The following CRAMP1 variants were observed in gnomAD, a reference collection of about 807,000 sequenced individuals.
CRAMP1 encodes cramped chromatin regulator 1, also known as protein cramped-like.
Under a neutral mutation model 115.4 loss-of-function variants are expected in CRAMP1, and 50 were observed. The observed-to-expected ratio is 0.43, with a 90% CI of 0.35 to 0.55. CRAMP1 has a LOEUF of 0.55. Ranked by LOEUF, CRAMP1 falls within the 20% of genes least tolerant of loss-of-function variation. CRAMP1 has a pLI of 0.01. For synonymous variants in CRAMP1, 866 were observed against 745.4 expected, an observed-to-expected ratio of 1.16 and a Z score of -2.64; for missense variants, 1,679 against 1,721.7, an observed-to-expected ratio of 0.98 and a Z score of 0.44.
chr16:1,670,603 C>T (rs1013396066), intron 19 of CRAMP1, 61 bp from the exon 20 acceptor site: 50 of 1,581,894 alleles, frequency 3.2e-5, no homozygotes, highest in South Asian at 6.9e-5. Flanking sequence ...AGGACCCTTC[C>T]GCTGGACTGG....
At chr16:1,619,117 G>A (rs533145930) in intron 2 of CRAMP1, among the ~76,000 whole-genome samples, 2 of 152,310 alleles carry the variant, frequency 1.3e-5, no homozygotes, top group African/African-American at 4.8e-5. Flanking sequence ...AATTAACATC[G>A]TTGTATAAAG....
rs368601428 is a variant in CRAMP1, at chr16:1,653,167, C to A, written c.1037+11C>A. The A allele has an allele frequency of 6.2e-7, 1 of 1,604,556 alleles. No homozygotes were observed. The highest frequency in any genetic ancestry group is 2.2e-5 in the East Asian group (1 of 44,588). ...GAACCCACGCCTCAGGTAACATGGCCCTTGGCACGCAGAGGGGTCCCAACT... is the reference window on the plus strand; with the variant it reads ...GAACCCACGCCTCAGGTAACATGGCACTTGGCACGCAGAGGGGTCCCAACT... On this transcript the variant is annotated intron_variant, in intron 8 of 20. Coordinates refer to ENST00000397412, the MANE Select transcript of CRAMP1 (RefSeq NM_020825.4).
At chr16:1,668,266 T>C (rs1567462828) in intron 18 of CRAMP1, 73 bp downstream of exon 18, 4 of 1,104,016 alleles carry the variant, frequency 3.6e-6, no homozygotes, top group Non-Finnish European at 5.5e-6. Context: ...TTGCCACACT[T>C]CCTGGGGATA....
rs1398430609 is a variant in CRAMP1 at position 1,672,866 on chromosome 16, ACT to A, written c.3646-1012_3646-1011del. On this transcript the variant is annotated intron_variant, in intron 20 of 20. Transcript: ENST00000397412. This position sits in a 1 kb window ranked among gnomAD's most constrained non-coding sequence, Gnocchi z 4.9. ...TCCTCAGCTCTGTGCTGCCTCACTC[ACT>A]CTGTCATGGCCACCACCTTGGTCGT... 6.6e-6 allele frequency among the ~76,000 whole-genome samples: 1 copy of A among 151,902 alleles called. No individual in the cohort carries two copies. Among genetic ancestry groups the A allele is most frequent in the African/African-American group, 2.4e-5 (1 of 41,330 alleles).
intron 19 of CRAMP1, 173 bp from the exon 20 acceptor site, chr16:1,670,491 A>G: frequency 1.5e-6 from 1 of 677,916 alleles, no homozygotes; most frequent in Non-Finnish European, 2.6e-6. Flanking sequence ...GTTAAACGAG[A>G]AGAGCTCGTC....
rs1373538969 is a variant in CRAMP1, at chr16:1,656,648, G to C, written c.1891G>C (p.Asp631His). ...PGLLLDVCTK[D>H]LADAPAEELQ... ...GCTCCTGCTGGATGTTTGCACTAAA[G>C]ACTTGGCAGATGCACCTGCGGAGGA... The change falls in exon 10 of 21, where the codon GAC becomes CAC. Residue 631 changes from aspartate to histidine, a missense_variant. Physicochemically the swap from Asp to His is moderately conservative, Grantham distance 81 (BLOSUM62 -1). Transcript: ENST00000397412. The surrounding 1 kb of genome is among the most constrained non-coding windows in gnomAD (Gnocchi z 5.6). 38 of 1,578,160 alleles carry C rather than the reference G, an allele frequency of 2.4e-5. No homozygotes were observed. Among genetic ancestry groups the C allele is most frequent in the Non-Finnish European group, 3.2e-5 (37 of 1,163,256 alleles).
chr16:1,614,555 C>A lies in CRAMP1; in HGVS notation c.-1-84C>A. On this transcript the variant is annotated intron_variant, in intron 1 of 20. Coordinates refer to ENST00000397412, the MANE Select transcript of CRAMP1 (RefSeq NM_020825.4). The surrounding 1 kb of genome is among the most constrained non-coding windows in gnomAD (Gnocchi z 4.4). ...AGAGGGGATTTGGAACAAACAACGGCGGCCATGTTGAGAGCGCGTCGGGGC... is the reference window on the plus strand; with the variant it reads ...AGAGGGGATTTGGAACAAACAACGGAGGCCATGTTGAGAGCGCGTCGGGGC... 1 of 808,154 alleles carries A rather than the reference C, an allele frequency of 1.2e-6. No individual in the cohort carries two copies. The highest frequency in any genetic ancestry group is 1.6e-6 in the Non-Finnish European group (1 of 612,374). 50.1% of individuals were successfully genotyped at this position (808,154 alleles called of 1,614,324 possible).
At position 1,612,662 on chromosome 16, in the gene CRAMP1, C is replaced by T. The variant is rs1049281505; in HGVS notation, c.-2+5C>T. Among the ~76,000 whole-genome samples the T allele has an allele frequency of 1.3e-5, 2 of 151,836 alleles. No individual in the cohort carries two copies. Among genetic ancestry groups the T allele is most frequent in the African/African-American group, 2.4e-5 (1 of 41,360 alleles). The stretch of plus-strand genomic sequence containing the variant: ...CGCCCGGCGTTGATGAAAAAGGTGA[C>T]CAAGGCTGGGCGGCGGGGCTGTCAT... On this transcript the variant is annotated splice_donor_5th_base_variant and intron_variant, in intron 1 of 20. Transcript: ENST00000397412.
At chr16:1,649,056 C>A (rs77236275) in intron 6 of CRAMP1, among the ~76,000 whole-genome samples, 1 of 142,194 alleles carries the variant, frequency 7.0e-6, no homozygotes, top group African/African-American at 2.8e-5. Flanking sequence ...AAGACTCCAT[C>A]TAAAAAAAAA....
At chr16:1,634,540 G>A (rs1362515987) in intron 4 of CRAMP1, among the ~76,000 whole-genome samples, 4 of 152,016 alleles carry the variant, frequency 2.6e-5, no homozygotes, top group African/African-American at 4.8e-5. Context: ...CTCCGTGTGG[G>A]CCCCTGTGCT....
intron 2 of CRAMP1, among the ~76,000 whole-genome samples, chr16:1,616,789 C>G (rs2036424028): frequency 6.6e-6 from 1 of 151,850 alleles, no homozygotes; most frequent in Non-Finnish European, 1.5e-5. Flanking sequence ...GTGACATATC[C>G]ATTATCCCAC....
intron 6 of CRAMP1, among the ~76,000 whole-genome samples, chr16:1,647,928 AC>A (rs77920226): frequency 0.042 from 6,322 of 151,894 alleles, 377 homozygotes; most frequent in Admixed American, 0.14. Context: ...GGAGGTATGG[AC>A]CCACGTCCCG....
At position 1,672,375 on chromosome 16, in the gene CRAMP1, A is replaced by T. The variant is rs1001680208; in HGVS notation, c.3646-1506A>T. 3.3e-5 allele frequency among the ~76,000 whole-genome samples: 5 copies of T among 151,350 alleles called. No homozygotes were observed. Among genetic ancestry groups the T allele is most frequent in the African/African-American group, 1.2e-4 (5 of 41,104 alleles). On this transcript the variant is annotated intron_variant, in intron 20 of 20. Transcript: ENST00000397412. This position sits in a 1 kb window ranked among gnomAD's most constrained non-coding sequence, Gnocchi z 4.9. ...CCGAGAGCCCTCCACTCAGAACGTG[A>T]GTATGTTTCTCAGCAGGTCCTCGTC...
chr16:1,660,194 C>T, intron 11 of CRAMP1, 131 bp downstream of exon 11: 1 of 722,006 alleles, frequency 1.4e-6, no homozygotes, highest in South Asian at 2.1e-5. Context: ...CGCCACTATC[C>T]AGATGACAGG....
At chr16:1,619,674 T>C (rs2036450153) in intron 2 of CRAMP1, among the ~76,000 whole-genome samples, 1 of 152,138 alleles carries the variant, frequency 6.6e-6, no homozygotes, top group Non-Finnish European at 1.5e-5. Flanking sequence ...CTCAAATATT[T>C]GTAGGAGGGG....
At chr16:1,639,537 A>C (rs1355342236) in intron 5 of CRAMP1, among the ~76,000 whole-genome samples, 1 of 152,136 alleles carries the variant, frequency 6.6e-6, no homozygotes, top group Non-Finnish European at 1.5e-5. Context: ...GAAAACAACC[A>C]ATCAGAAGCT....
At chr16:1,655,357 G>A in intron 9 of CRAMP1, 57 bp downstream of exon 9, 1 of 1,363,066 alleles carries the variant, frequency 7.3e-7, no homozygotes, top group Non-Finnish European at 1.1e-6. Flanking sequence ...GCTGCCCAGA[G>A]ATGGACCACG....
intron 1 of CRAMP1, among the ~76,000 whole-genome samples, chr16:1,613,381 A>G (rs2036379850): frequency 6.6e-6 from 1 of 152,168 alleles, no homozygotes; most frequent in Non-Finnish European, 1.5e-5. Context: ...TCTCTCGGAA[A>G]GAGAGGTCCT....
rs139770774 is a variant in CRAMP1, at chr16:1,631,954, T to C, written c.541-258T>C. Among the ~76,000 whole-genome samples, 775 of 152,348 alleles carry C rather than the reference T, an allele frequency of 5.1e-3. 2 individuals carry two copies. Among genetic ancestry groups the C allele is most frequent in the Middle Eastern group, 0.01 (3 of 294 alleles). On this transcript the variant is annotated intron_variant, in intron 3 of 20. Transcript: ENST00000397412. Reference sequence around the variant, plus strand: ...TGATGAGCTTTATGTTTCTCCTGTCTGGGGTGCTTGCCTCTTTGGTATCCA... The same window carrying C: ...TGATGAGCTTTATGTTTCTCCTGTCCGGGGTGCTTGCCTCTTTGGTATCCA...
Sources: allele counts gnomAD v4.1 joint callset (sites outside exome capture counted in the v4.1 genomes callset), GRCh38; gene constraint gnomAD v4.1.1; non-coding constraint Gnocchi (gnomAD v3.1); transcripts MANE v1.5; gene names NCBI Gene and HGNC (gene_info 2026-07-23, HGNC 2026-07-21).